The following CDH13 variants were observed in gnomAD, a reference collection of about 807,000 sequenced individuals.
The protein encoded by CDH13 is cadherin-13.
In CDH13, 24 loss-of-function variants were observed where a neutral mutation model predicts 63.8. The observed-to-expected ratio is 0.38, with a 90% CI of 0.27 to 0.53. The LOEUF (loss-of-function observed/expected upper bound fraction) is 0.53, where lower values mean the gene tolerates loss of function less well. Among genes scored for constraint, CDH13 ranks in the 20% least tolerant of loss-of-function variants. The pLI is 0.85. For missense variants in CDH13, 1,049 were observed against 903.1 expected (o/e 1.16, Z -2.07); for synonymous variants, 503 against 355.3 (o/e 1.42, Z -4.67).
intron 5 of CDH13, among the ~76,000 whole-genome samples, chr16:83,254,774 G>C (rs1345759040): frequency 6.6e-6 from 1 of 152,056 alleles, no homozygotes; most frequent in Non-Finnish European, 1.5e-5. Context: ...AGACTCCCTA[G>C]CTTTGCCTAT....
At chr16:83,368,191 T>C (rs904079974) in intron 6 of CDH13, among the ~76,000 whole-genome samples, 1 of 152,254 alleles carries the variant, frequency 6.6e-6, no homozygotes, top group African/African-American at 2.4e-5. Flanking sequence ...TCTTCATTTA[T>C]TTGCTCAAAT....
intron 2 of CDH13, among the ~76,000 whole-genome samples, chr16:82,976,679 C>T (rs150775986): frequency 1.6e-4 from 24 of 152,288 alleles, no homozygotes; most frequent in African/African-American, 4.3e-4. Flanking sequence ...GAGATTGGCA[C>T]TGAGGGGTTC....
intron 7 of CDH13, among the ~76,000 whole-genome samples, chr16:83,495,039 G>T (rs1009277587): frequency 1.3e-5 from 2 of 152,020 alleles, no homozygotes; most frequent in Non-Finnish European, 2.9e-5. Flanking sequence ...TGGCCAACAG[G>T]CAAACTTGAA....
intron 4 of CDH13, among the ~76,000 whole-genome samples, chr16:83,190,594 T>C (rs2038667465): frequency 6.6e-6 from 1 of 152,182 alleles, no homozygotes. Context: ...ATGCTGTTCA[T>C]TAGGATGGGT....
intron 2 of CDH13, among the ~76,000 whole-genome samples, chr16:82,898,034 G>T (rs543993554): frequency 6.6e-6 from 1 of 152,272 alleles, no homozygotes; most frequent in Admixed American, 6.5e-5. Context: ...CAATTGAGAT[G>T]TGTTGTGAAT....
At chr16:83,342,519 A>G (rs2090747765) in intron 5 of CDH13, among the ~76,000 whole-genome samples, 1 of 152,226 alleles carries the variant, frequency 6.6e-6, no homozygotes, top group South Asian at 2.1e-4. Context: ...GAAAAGTCTG[A>G]GTCAAACTCT....
rs562942948 is a variant in CDH13, at chr16:82,672,999, C to CTTTTTTTTTTTTTTTTTTTTTTTTTTT, written c.45+45882_45+45883insTTTTTTTTTTTTTTTTTTTTTTTTTTT. Among the ~76,000 whole-genome samples, 2 of 81,268 alleles carry CTTTTTTTTTTTTTTTTTTTTTTTTTTT rather than the reference C, an allele frequency of 2.5e-5. 1 individual carries two copies. The highest frequency in any genetic ancestry group is 1.1e-4 in the African/African-American group (2 of 18,594). 53.3% of individuals were successfully genotyped at this position (81,268 alleles called of 152,430 possible). The stretch of plus-strand genomic sequence containing the variant: ...GTATGGCTAATTTTTATAAAGTTTT[C>CTTTTTTTTTTTTTTTTTTTTTTTTTTT]TTTTTTTTTTTTTTTTTTTTGTAGA... On this transcript the variant is annotated intron_variant, in intron 1 of 13. Coordinates refer to ENST00000567109, the MANE Select transcript of CDH13 (RefSeq NM_001257.5).
At chr16:83,027,343 G>T (rs114830473) in intron 2 of CDH13, among the ~76,000 whole-genome samples, 19,828 of 152,102 alleles carry the variant, frequency 0.13, 1,364 homozygotes, top group African/African-American at 0.17. Context: ...AGGTTCTATG[G>T]GAAGGAAATT....
chr16:83,118,157 T>TC (rs1555594902), intron 3 of CDH13, among the ~76,000 whole-genome samples: 2 of 152,148 alleles, frequency 1.3e-5, no homozygotes, highest in Admixed American at 6.5e-5. Flanking sequence ...GAGACTGCTG[T>TC]GGGGGGAATC....
chr16:83,423,358 A>G (rs2071774675), intron 6 of CDH13, among the ~76,000 whole-genome samples: 1 of 152,198 alleles, frequency 6.6e-6, no homozygotes, highest in African/African-American at 2.4e-5. Flanking sequence ...AAAAAAGCCT[A>G]AAGCCACTCA....
chr16:83,008,191 A>G (rs1269873409), intron 2 of CDH13, among the ~76,000 whole-genome samples: 1 of 152,236 alleles, frequency 6.6e-6, no homozygotes, highest in Admixed American at 6.5e-5. Context: ...ACAAAAACAT[A>G]CTATGGGATA....
intron 2 of CDH13, among the ~76,000 whole-genome samples, chr16:83,011,626 T>C (rs1914165435): frequency 6.6e-6 from 1 of 152,216 alleles, no homozygotes; most frequent in South Asian, 2.1e-4. Flanking sequence ...CACATATCAC[T>C]GAGCAAGGTG....
intron 6 of CDH13, among the ~76,000 whole-genome samples, chr16:83,471,259 T>G (rs1048171623): frequency 2.0e-5 from 3 of 147,736 alleles, no homozygotes; most frequent in Non-Finnish European, 3.0e-5. Flanking sequence ...TTGGGACCAT[T>G]ATTTTTCTAA....
intron 7 of CDH13, among the ~76,000 whole-genome samples, chr16:83,497,577 G>A (rs1459588946): frequency 6.6e-6 from 1 of 151,882 alleles, no homozygotes; most frequent in Non-Finnish European, 1.5e-5. Context: ...CGAGTTGGTG[G>A]GTGCAGCGCA....
intron 7 of CDH13, among the ~76,000 whole-genome samples, chr16:83,531,954 C>T (rs1446889890): frequency 2.0e-5 from 3 of 152,170 alleles, no homozygotes; most frequent in Non-Finnish European, 4.4e-5. Context: ...TTAATTTTAG[C>T]TCCCACAATT....
At chr16:83,039,671 C>T (rs911946031) in intron 3 of CDH13, among the ~76,000 whole-genome samples, 12 of 152,156 alleles carry the variant, frequency 7.9e-5, no homozygotes, top group African/African-American at 1.7e-4. Context: ...CAGTGCCTGG[C>T]GCAGAGTATT....
chr16:83,475,980 A>G (rs1316367639), intron 6 of CDH13, among the ~76,000 whole-genome samples: 2 of 152,200 alleles, frequency 1.3e-5, no homozygotes, highest in African/African-American at 4.8e-5. Flanking sequence ...GAATTAACCC[A>G]GGAGTTCATT....
chr16:83,413,095 G>A (rs1224918877), intron 6 of CDH13, among the ~76,000 whole-genome samples: 27 of 152,152 alleles, frequency 1.8e-4, no homozygotes, highest in Admixed American at 1.8e-3. Flanking sequence ...TCAAACAGTG[G>A]TAATGCCATT....
At chr16:83,544,848 C>A (rs2075356837) in intron 7 of CDH13, among the ~76,000 whole-genome samples, 1 of 152,108 alleles carries the variant, frequency 6.6e-6, no homozygotes, top group East Asian at 1.9e-4. Context: ...TTAAAAGATA[C>A]AAAATACATC....
Sources: allele counts gnomAD v4.1 joint callset (sites outside exome capture counted in the v4.1 genomes callset), GRCh38; gene constraint gnomAD v4.1.1; transcripts MANE v1.5; gene names NCBI Gene and HGNC (gene_info 2026-07-23, HGNC 2026-07-21).